Variants in DIAPH3 observed in about 807,000 individuals in gnomAD.
The protein encoded by DIAPH3 is diaphanous related formin 3, also known as protein diaphanous homolog 3.
Under a neutral mutation model 144.3 loss-of-function variants are expected in DIAPH3, and 117 were observed. The ratio of observed to expected loss-of-function variants is 0.81; its 90% CI spans 0.70 to 0.95. The LOEUF (loss-of-function observed/expected upper bound fraction) is 0.95. DIAPH3 is among the 40% of genes least tolerant of loss of function. The probability of loss-of-function intolerance (pLI) is 0.00; values close to 1 mark genes in which losing one functional copy is unlikely to be tolerated. For missense variants in DIAPH3, 1,421 were observed against 1,412.7 expected (o/e 1.01, Z -0.09); for synonymous variants, 519 against 488.9 (o/e 1.06, Z -0.81).
At chr13:59,699,128 A>G (rs1315654254) in intron 27 of DIAPH3, among the ~76,000 whole-genome samples, 1 of 152,232 alleles carries the variant, frequency 6.6e-6, no homozygotes, top group Admixed American at 6.5e-5. Flanking sequence ...CACAAGAGAC[A>G]CACAGGTAAA....
intron 9 of DIAPH3, among the ~76,000 whole-genome samples, chr13:60,008,291 GA>G (rs756546155): frequency 5.4e-4 from 82 of 152,246 alleles, no homozygotes; most frequent in Admixed American, 2.2e-3. Flanking sequence ...AGCTACTCGG[GA>G]GGCTGAGGCA....
intron 17 of DIAPH3, among the ~76,000 whole-genome samples, chr13:59,939,812 A>G (rs551483056): frequency 1.2e-4 from 18 of 149,040 alleles, no homozygotes; most frequent in Non-Finnish European, 2.5e-4. Context: ...ACATATGTAT[A>G]TGTATCTACA....
chr13:59,681,985 A>G (rs2032974938), intron 27 of DIAPH3, among the ~76,000 whole-genome samples: 1 of 152,210 alleles, frequency 6.6e-6, no homozygotes, highest in Non-Finnish European at 1.5e-5. Flanking sequence ...TTTTACTGAT[A>G]TTGCTTCTGA....
chr13:59,711,284 G>A (rs1365695057), intron 27 of DIAPH3, among the ~76,000 whole-genome samples: 1 of 152,070 alleles, frequency 6.6e-6, no homozygotes, highest in Non-Finnish European at 1.5e-5. Context: ...TTGAAGCTTG[G>A]AGTGGCTTTC....
Position 59,765,159 on chromosome 13 carries a change from T to G in DIAPH3, c.3319+9030A>C, listed in dbSNP as rs146475278. ...CCATAGTCTTAATTTTCAACTTTTT[T>G]CTGCTAAACTAGTTTATATTACTTC... On this transcript the variant is annotated intron_variant, in intron 27 of 27. Transcript: ENST00000400324. Among the ~76,000 whole-genome samples, 795 of 152,334 alleles carry G rather than the reference T, an allele frequency of 5.2e-3. 9 individuals are homozygous for G. Among genetic ancestry groups the G allele is most frequent in the Non-Finnish European group, 5.4e-3 (364 of 68,028 alleles).
At chr13:59,964,992 C>T (rs565590350) in intron 17 of DIAPH3, among the ~76,000 whole-genome samples, 4 of 152,232 alleles carry the variant, frequency 2.6e-5, no homozygotes, top group African/African-American at 9.6e-5. Context: ...TATGTGTTCA[C>T]CTTAATGTAG....
At chr13:59,735,249 G>C (rs2036088173) in intron 27 of DIAPH3, among the ~76,000 whole-genome samples, 1 of 151,948 alleles carries the variant, frequency 6.6e-6, no homozygotes, top group Admixed American at 6.6e-5. Flanking sequence ...TAAAATTATT[G>C]GCAAAGCTAT....
intron 5 of DIAPH3, among the ~76,000 whole-genome samples, chr13:60,020,136 C>T (rs1280405965): frequency 3.9e-5 from 6 of 152,114 alleles, no homozygotes; most frequent in Non-Finnish European, 1.5e-5. Flanking sequence ...AGACTGAGCA[C>T]TCAATAAATC....
chr13:59,944,530 G>A lies in DIAPH3; in HGVS notation c.2075-19660C>T, dbSNP rs560724282. Among the ~76,000 whole-genome samples the A allele has an allele frequency of 9.2e-5, 14 of 152,100 alleles. No homozygotes were observed. In the South Asian group the frequency reaches 2.5e-3, roughly 27 times the overall value. On this transcript the variant is annotated intron_variant, in intron 17 of 27. Transcript: ENST00000400324. ...TTAGGCATTTGCAGTTTTATTTTCT[G>A]GAAGACAACTGGAGAATAGGAACAC...
intron 4 of DIAPH3, among the ~76,000 whole-genome samples, chr13:60,079,487 C>T (rs1470965072): frequency 1.3e-5 from 2 of 151,900 alleles, no homozygotes; most frequent in East Asian, 3.9e-4. Flanking sequence ...CTTAAAAAAA[C>T]TTATCTTAAA....
intron 17 of DIAPH3, among the ~76,000 whole-genome samples, chr13:59,927,485 G>A (rs552929636): frequency 3.9e-5 from 6 of 152,140 alleles, no homozygotes; most frequent in African/African-American, 1.4e-4. Context: ...CTGCTCTATA[G>A]GGAGCTTTTT....
chr13:60,061,587 G>A (rs1019514601), intron 4 of DIAPH3, among the ~76,000 whole-genome samples: 2 of 150,178 alleles, frequency 1.3e-5, no homozygotes, highest in Non-Finnish European at 3.0e-5. Flanking sequence ...TGCTACATTT[G>A]ATCACAAAAC....
At chr13:59,955,925 G>A (rs1179464479) in intron 17 of DIAPH3, among the ~76,000 whole-genome samples, 1 of 152,144 alleles carries the variant, frequency 6.6e-6, no homozygotes, top group African/African-American at 2.4e-5. Flanking sequence ...CTAGAGTTCT[G>A]TGGAACTTTG....
intron 27 of DIAPH3, among the ~76,000 whole-genome samples, chr13:59,714,057 C>G (rs2034893985): frequency 6.6e-6 from 1 of 151,946 alleles, no homozygotes; most frequent in African/African-American, 2.4e-5. Context: ...ATTCCAAAAA[C>G]TGTTTTAAAA....
intron 27 of DIAPH3, among the ~76,000 whole-genome samples, chr13:59,720,606 G>A (rs781340008): frequency 5.9e-5 from 9 of 152,084 alleles, no homozygotes; most frequent in Non-Finnish European, 1.2e-4. Context: ...TGTGGCTGGT[G>A]CTTGTAAATG....
At chr13:59,746,755 A>G (rs2036725905) in intron 27 of DIAPH3, among the ~76,000 whole-genome samples, 1 of 152,170 alleles carries the variant, frequency 6.6e-6, no homozygotes, top group Non-Finnish European at 1.5e-5. Context: ...TCATAAAAGT[A>G]TTTTTTACAG....
intron 24 of DIAPH3, among the ~76,000 whole-genome samples, chr13:59,819,069 T>G (rs2040929534): frequency 6.6e-6 from 1 of 151,872 alleles, no homozygotes; most frequent in South Asian, 2.1e-4. Flanking sequence ...GTTTGGTGGT[T>G]AGGATTGAGT....
chr13:59,914,962 T>G (rs1423763036), intron 19 of DIAPH3, among the ~76,000 whole-genome samples: 1 of 152,204 alleles, frequency 6.6e-6, no homozygotes, highest in Non-Finnish European at 1.5e-5. Context: ...TGGAGCTGAA[T>G]GTACTTTGGA....
At chr13:59,937,004 A>C (rs2048298116) in intron 17 of DIAPH3, among the ~76,000 whole-genome samples, 1 of 152,146 alleles carries the variant, frequency 6.6e-6, no homozygotes, top group Admixed American at 6.5e-5. Flanking sequence ...TCTACTAAAA[A>C]TACAAAAAAT....
Sources: gnomAD v4.1 joint callset for allele counts (sites outside exome capture counted in the v4.1 genomes callset) on GRCh38, gnomAD v4.1.1 for gene constraint, MANE v1.5 for transcripts, NCBI Gene and HGNC (gene_info 2026-07-23, HGNC 2026-07-21) for gene names.